The following RASEF variants were observed in gnomAD, a reference collection of about 807,000 sequenced individuals.
RASEF encodes the protein RAS and EF-hand domain containing.
In RASEF, 68 loss-of-function variants were observed where a neutral mutation model predicts 90.1. The ratio of observed to expected loss-of-function variants is 0.75; its 90% CI spans 0.62 to 0.92. The LOEUF (loss-of-function observed/expected upper bound fraction) is 0.92, where lower values mean the gene tolerates loss of function less well. Ranked by LOEUF, RASEF falls within the 40% of genes least tolerant of loss-of-function variation. RASEF has a pLI of 0.00. For missense variants in RASEF, 949 were observed against 937.2 expected, an observed-to-expected ratio of 1.01 and a Z score of -0.16; for synonymous variants, 331 against 345.2, an observed-to-expected ratio of 0.96 and a Z score of 0.46.
intron 1 of RASEF, chr9:83,049,327 C>T (rs1027075686): frequency 1.5e-5 from 15 of 985,134 alleles, no homozygotes; most frequent in Non-Finnish European, 1.8e-5. Flanking sequence ...GACGGGGATG[C>T]AGTTTTCCAA....
At position 83,061,646 on chromosome 9, in the gene RASEF, C is replaced by T. The variant is rs185968902; in HGVS notation, c.431+791G>A. Among the ~76,000 whole-genome samples the T allele has an allele frequency of 3.3e-3, 504 of 152,328 alleles. 3 individuals are homozygous for T. The highest frequency in any genetic ancestry group is 0.011 in the African/African-American group (468 of 41,578). On this transcript the variant is annotated intron_variant, in intron 1 of 16. Coordinates refer to ENST00000376447, the MANE Select transcript of RASEF (RefSeq NM_152573.4). The stretch of plus-strand genomic sequence containing the variant: ...TCTCCCTCCAGGCCCTGAAATCCCA[C>T]CTGCAGGCATCCCCTTACCTCCTGA...
the RASEF span, among the ~76,000 whole-genome samples, chr9:83,096,253 G>C: frequency 6.6e-6 from 1 of 152,032 alleles, no homozygotes; most frequent in African/African-American, 2.4e-5. Context: ...ACATTTGCTT[G>C]GTCAAACACC....
the RASEF span, among the ~76,000 whole-genome samples, chr9:83,136,368 T>C: frequency 1.3e-5 from 2 of 152,140 alleles, no homozygotes. Context: ...TAAAGTTAGA[T>C]TGAACACCTT....
the RASEF span, among the ~76,000 whole-genome samples, chr9:83,092,003 CTTTTTTTTTTTTTT>C: frequency 5.6e-5 from 2 of 35,920 alleles, no homozygotes; most frequent in African/African-American, 9.3e-5. Context: ...TCTTTTATTT[CTTTTTTTTTTTTTT>C]TTTTTTTTTT....
the RASEF span, among the ~76,000 whole-genome samples, chr9:83,200,442 A>T: frequency 2.0e-5 from 3 of 152,076 alleles, no homozygotes; most frequent in Non-Finnish European, 2.9e-5. Context: ...CAAATACAAG[A>T]AGCCTCCCAA....
At chr9:83,057,111 C>A (rs1379761208) in intron 1 of RASEF, among the ~76,000 whole-genome samples, 2 of 152,156 alleles carry the variant, frequency 1.3e-5, no homozygotes, top group Admixed American at 6.6e-5. Context: ...AAGGTTCATT[C>A]CCCCTACAAT....
chr9:82,997,859 T>C (rs1396924846), intron 13 of RASEF, among the ~76,000 whole-genome samples: 3 of 152,152 alleles, frequency 2.0e-5, no homozygotes, highest in Non-Finnish European at 2.9e-5. Flanking sequence ...GGTTGAACAA[T>C]TGAATGGATT....
chr9:83,170,468 G>C, the RASEF span, among the ~76,000 whole-genome samples: 1 of 151,634 alleles, frequency 6.6e-6, no homozygotes, highest in Non-Finnish European at 1.5e-5. Context: ...GTATGTCATT[G>C]GTATTTTGGA....
At chr9:82,991,122 C>CT (rs1828806705) in intron 15 of RASEF, among the ~76,000 whole-genome samples, 1 of 152,116 alleles carries the variant, frequency 6.6e-6, no homozygotes, top group South Asian at 2.1e-4. Flanking sequence ...TCATCCCCCA[C>CT]TCACTCACAG....
chr9:83,160,169 T>G, the RASEF span, among the ~76,000 whole-genome samples: 1 of 152,110 alleles, frequency 6.6e-6, no homozygotes, highest in Non-Finnish European at 1.5e-5. Flanking sequence ...TCCCAAAATG[T>G]GGAAGAGACT....
intron 1 of RASEF, 128 bp from the exon 2 acceptor site, chr9:83,026,049 C>T (rs182637827): frequency 5.9e-5 from 41 of 696,222 alleles, no homozygotes; most frequent in Admixed American, 6.5e-5. Flanking sequence ...ACAGAATGAA[C>T]GGAAGGAAGG....
chr9:83,093,764 G>C, the RASEF span, among the ~76,000 whole-genome samples: 1 of 152,240 alleles, frequency 6.6e-6, no homozygotes. Flanking sequence ...ACAGTGCAGC[G>C]GTGGGCTGAA....
chr9:83,181,857 G>A, the RASEF span, among the ~76,000 whole-genome samples: 2 of 152,158 alleles, frequency 1.3e-5, no homozygotes, highest in Non-Finnish European at 1.5e-5. Flanking sequence ...GGTTTTAAGT[G>A]TTTATAAACC....
At chr9:83,216,955 AAAGCAGCT>A in the RASEF span, among the ~76,000 whole-genome samples, 2 of 152,206 alleles carry the variant, frequency 1.3e-5, no homozygotes, top group African/African-American at 4.8e-5. Flanking sequence ...ACCAGCTGTG[AAAGCAGCT>A]GGGAGGCAGT....
chr9:83,180,764 G>T, the RASEF span, among the ~76,000 whole-genome samples: 1 of 151,992 alleles, frequency 6.6e-6, no homozygotes, highest in Admixed American at 6.6e-5. Flanking sequence ...GGAAATCAGG[G>T]TATACTCAAC....
intron 1 of RASEF, among the ~76,000 whole-genome samples, chr9:83,046,738 G>C (rs572134813): frequency 6.6e-6 from 1 of 152,054 alleles, no homozygotes; most frequent in South Asian, 2.1e-4. Flanking sequence ...ATTATGAGAC[G>C]ACTGTGTCAT....
chr9:83,042,723 A>T (rs913651669), intron 1 of RASEF, among the ~76,000 whole-genome samples: 3 of 151,926 alleles, frequency 2.0e-5, no homozygotes, highest in African/African-American at 7.3e-5. Flanking sequence ...ATCCAAAAGG[A>T]GGTTGGAAAG....
intron 3 of RASEF, among the ~76,000 whole-genome samples, chr9:83,018,410 T>C (rs1290066244): frequency 6.6e-6 from 1 of 152,156 alleles, no homozygotes; most frequent in African/African-American, 2.4e-5. Flanking sequence ...ATCTAAGATG[T>C]ACAAGATCTG....
chr9:83,162,983 C>G, the RASEF span, among the ~76,000 whole-genome samples: 3 of 152,204 alleles, frequency 2.0e-5, no homozygotes, highest in Non-Finnish European at 4.4e-5. Flanking sequence ...GGAAATGTAA[C>G]CATTTTGAAA....
Sources: allele counts gnomAD v4.1 joint callset (sites outside exome capture counted in the v4.1 genomes callset), GRCh38; gene constraint gnomAD v4.1.1; transcripts MANE v1.5; gene names NCBI Gene and HGNC (gene_info 2026-07-23, HGNC 2026-07-21).